Variants in MTUS2 observed in about 807,000 individuals in gnomAD.
MTUS2 encodes microtubule associated scaffold protein 2.
In MTUS2, 40 loss-of-function variants were observed where a neutral mutation model predicts 114.1. That is an observed-to-expected ratio of 0.35 (90% CI 0.27 to 0.46). The LOEUF (loss-of-function observed/expected upper bound fraction) is 0.46. Among genes scored for constraint, MTUS2 ranks in the 20% least tolerant of loss-of-function variants. MTUS2 has a pLI of 1.00. For missense variants in MTUS2, 1,679 were observed against 1,705.4 expected, an observed-to-expected ratio of 0.98 and a Z score of 0.27; for synonymous variants, 688 against 672.0, an observed-to-expected ratio of 1.02 and a Z score of -0.37.
At chr13:29,128,392 A>T (rs1293195212) in intron 5 of MTUS2, among the ~76,000 whole-genome samples, 1 of 152,200 alleles carries the variant, frequency 6.6e-6, no homozygotes, top group Non-Finnish European at 1.5e-5. Flanking sequence ...TCGCCCAGAG[A>T]CAGATGATGC....
In MTUS2 at chr13:29,026,568, G is replaced by T; in HGVS notation, c.1870G>T (p.Glu624Ter). ...GMENYQVEKTEERTETKPIIM... is the reference protein window; with the variant it reads ...GMENYQVEKT ...GGAGAACTATCAGGTTGAAAAAACA[G>T]AGGAGAGGACAGAAACTAAGCCCAT... is the stretch of plus-strand genomic sequence containing the variant. Residue 624 changes from glutamate to a stop codon, truncating the protein, a stop_gained, in exon 3 of 16, where the codon GAG becomes TAG. Coordinates refer to ENST00000612955, the MANE Select transcript of MTUS2 (RefSeq NM_001033602.4). LOFTEE classifies it high-confidence loss of function. 4 of 1,613,950 alleles carry T rather than the reference G, an allele frequency of 2.5e-6. No individual in the cohort carries two copies. Among genetic ancestry groups the T allele is most frequent in the Non-Finnish European group, 3.4e-6 (4 of 1,179,866 alleles).
chr13:29,138,453 AAAT>A (rs1257814792), intron 5 of MTUS2, among the ~76,000 whole-genome samples: 4 of 148,184 alleles, frequency 2.7e-5, no homozygotes, highest in African/African-American at 9.8e-5. Flanking sequence ...TTATTTATAT[AAAT>A]AAAAGATATG....
At chr13:29,231,325 A>G (rs1896314743) in intron 5 of MTUS2, among the ~76,000 whole-genome samples, 2 of 152,226 alleles carry the variant, frequency 1.3e-5, no homozygotes, top group Admixed American at 1.3e-4. Context: ...AACTTTTTCC[A>G]ACACACAAAA....
intron 6 of MTUS2, among the ~76,000 whole-genome samples, chr13:29,310,839 A>G (rs1329624615): frequency 6.6e-6 from 1 of 152,184 alleles, no homozygotes; most frequent in Non-Finnish European, 1.5e-5. Context: ...TTGTCTAGTA[A>G]ACTTCCATGT....
intron 2 of MTUS2, 98 bp from the exon 3 acceptor site, chr13:29,024,359 T>C (rs1200806198): frequency 3.8e-6 from 1 of 261,244 alleles, no homozygotes; most frequent in East Asian, 6.0e-5. Context: ...AATGAAATAA[T>C]AATATAGAAA....
intron 5 of MTUS2, among the ~76,000 whole-genome samples, chr13:29,227,273 AAAAG>A (rs1566078243): frequency 6.8e-6 from 1 of 146,044 alleles, no homozygotes; most frequent in Admixed American, 6.9e-5. Context: ...AAAAAAAAAA[AAAAG>A]AAACTGCGTA....
intron 11 of MTUS2, among the ~76,000 whole-genome samples, chr13:29,492,143 GGTGTGTAT>G (rs1882197259): frequency 6.0e-5 from 2 of 33,490 alleles, no homozygotes; most frequent in Admixed American, 5.0e-4. Context: ...GTGTGTGGTA[GGTGTGTAT>G]GTGTGTGTGG....
At chr13:29,333,767 G>A (rs911175126) in intron 7 of MTUS2, among the ~76,000 whole-genome samples, 1 of 152,100 alleles carries the variant, frequency 6.6e-6, no homozygotes, top group African/African-American at 2.4e-5. Flanking sequence ...TCATTGATCT[G>A]TCTAATATTG....
chr13:29,331,924 G>A (rs1900797612), intron 7 of MTUS2, among the ~76,000 whole-genome samples: 2 of 152,160 alleles, frequency 1.3e-5, no homozygotes, highest in Admixed American at 1.3e-4. Flanking sequence ...TGATCATGGT[G>A]GATAAGCTTT....
intron 5 of MTUS2, among the ~76,000 whole-genome samples, chr13:29,140,959 G>A (rs1380413447): frequency 6.6e-6 from 1 of 152,170 alleles, no homozygotes; most frequent in Non-Finnish European, 1.5e-5. Context: ...CTAGATATTA[G>A]GAGGGGTAAA....
chr13:29,138,092 A>G (rs978973864), intron 5 of MTUS2, among the ~76,000 whole-genome samples: 2 of 152,154 alleles, frequency 1.3e-5, no homozygotes, highest in Admixed American at 1.3e-4. Context: ...CATTTGGAAG[A>G]CAGAGTCCTT....
At chr13:29,139,568 CT>C (rs1356922925) in intron 5 of MTUS2, among the ~76,000 whole-genome samples, 5 of 63,118 alleles carry the variant, frequency 7.9e-5, no homozygotes, top group Non-Finnish European at 1.2e-4. Context: ...ACTTTGTTCA[CT>C]TTACTTAGTC....
intron 2 of MTUS2, among the ~76,000 whole-genome samples, chr13:28,861,015 G>GCTCTCC (rs1463925871): frequency 2.6e-5 from 4 of 152,130 alleles, no homozygotes; most frequent in African/African-American, 9.7e-5. Flanking sequence ...GCTGGGGAGA[G>GCTCTCC]CCAGCAGGCA....
At chr13:28,984,394 T>C (rs1352696359) in intron 2 of MTUS2, among the ~76,000 whole-genome samples, 2 of 152,024 alleles carry the variant, frequency 1.3e-5, no homozygotes, top group African/African-American at 4.8e-5. Flanking sequence ...ATAAAAGGGG[T>C]CTTTATGAGA....
At chr13:28,907,809 C>A (rs538334817) in intron 2 of MTUS2, among the ~76,000 whole-genome samples, 1 of 151,632 alleles carries the variant, frequency 6.6e-6, no homozygotes, top group Non-Finnish European at 1.5e-5. Context: ...TAATGGGAGA[C>A]TTTAACACCC....
rs914446976 is a variant in MTUS2 at position 29,430,298 on chromosome 13, G to T, written c.3118-9685G>T. On this transcript the variant is annotated intron_variant, in intron 8 of 15. Coordinates refer to ENST00000612955, the MANE Select transcript of MTUS2 (RefSeq NM_001033602.4). The stretch of plus-strand genomic sequence containing the variant: ...CTTTTGGTTTGAGAAAGTATGTTTC[G>T]AAAGGAGTCTGTTTCCCTATTTTGT... 3.9e-5 allele frequency among the ~76,000 whole-genome samples: 6 copies of T among 152,212 alleles called. No homozygotes were observed. In the East Asian group the frequency reaches 7.7e-4, roughly 20 times the overall value.
intron 4 of MTUS2, among the ~76,000 whole-genome samples, chr13:29,088,668 G>T (rs1889805443): frequency 6.6e-6 from 1 of 152,282 alleles, no homozygotes; most frequent in South Asian, 2.1e-4. Context: ...ATTCAGCATA[G>T]TTAAATCATC....
intron 2 of MTUS2, among the ~76,000 whole-genome samples, chr13:28,976,485 A>T (rs1039296235): frequency 6.6e-6 from 1 of 152,172 alleles, no homozygotes; most frequent in African/African-American, 2.4e-5. Context: ...GGACTGGAAT[A>T]TAATTCAGTA....
At chr13:28,901,263 A>T (rs1879627581) in intron 2 of MTUS2, among the ~76,000 whole-genome samples, 1 of 152,164 alleles carries the variant, frequency 6.6e-6, no homozygotes, top group Non-Finnish European at 1.5e-5. Flanking sequence ...CTGGATAGTA[A>T]TTCATTTTCA....
Sources: allele counts gnomAD v4.1 joint callset (sites outside exome capture counted in the v4.1 genomes callset), GRCh38; gene constraint gnomAD v4.1.1; transcripts MANE v1.5; gene names NCBI Gene and HGNC (gene_info 2026-07-23, HGNC 2026-07-21).